TTN: variants seen among roughly 807,000 people sequenced by gnomAD.
The protein encoded by TTN is titin, also known as connectin.
In TTN, 1,525 loss-of-function variants were observed where a neutral mutation model predicts 3,223.0. That is an observed-to-expected ratio of 0.47 (90% confidence interval 0.45 to 0.49). TTN has a LOEUF of 0.49. TTN is among the 20% of genes least tolerant of loss of function. The pLI, the probability that TTN is intolerant of heterozygous loss-of-function variation, is 0.00. For missense variants in TTN, 40,786 were observed against 43,424.0 expected (o/e 0.94, Z 5.40); for synonymous variants, 14,094 against 15,161.0 (o/e 0.93, Z 5.17).
At chr2:178,751,700 A>G in intron 47 of TTN, 1 of 1,613,260 alleles carries the variant, frequency 6.2e-7, no homozygotes, top group Non-Finnish European at 8.5e-7. Flanking sequence ...GACCCTTTTA[A>G]TCTCTAAGCT....
chr2:178,682,966 T>G, intron 134 of TTN, 63 bp from the exon 135 acceptor site: 2 of 1,377,396 alleles, frequency 1.5e-6, no homozygotes, highest in South Asian at 2.6e-5. Flanking sequence ...TGACTGATAG[T>G]AACAATGTGC....
Position 178,553,654 on chromosome 2 carries a change from A to T in TTN, c.89351T>A (p.Val29784Asp), listed in dbSNP as rs1187385222. 2 of 1,613,856 alleles carry T rather than the reference A, an allele frequency of 1.2e-6. No individual in the cohort carries two copies. Among genetic ancestry groups the T allele is most frequent in the South Asian group, 2.2e-5 (2 of 91,074 alleles). Residue 29784 changes from valine (V) to aspartate (D), a missense_variant, in exon 334 of 363, where the codon GTC becomes GAC. Transcript: ENST00000589042. ...RQGEEEEWTT[V>D]STKGEVRTTE... ...AGTTCTGACCTCTCCTTTGGTAGAGACAGTAGTCCATTCCTCTTCCTCTCC... is the reference window on the plus strand; with the variant it reads ...AGTTCTGACCTCTCCTTTGGTAGAGTCAGTAGTCCATTCCTCTTCCTCTCC...
Position 178,526,886 on chromosome 2 carries a change from G to C in TTN, c.*126C>G. On this transcript the variant is annotated 3_prime_UTR_variant, in exon 363 of 363. Coordinates refer to ENST00000589042, the MANE Select transcript of TTN (RefSeq NM_001267550.2). ...ATTGAAATGAATATTTTTGAACTTT[G>C]ACTCATTTAGGTTGATACAAAACTA... 1 of 806,922 alleles carries C rather than the reference G, an allele frequency of 1.2e-6. No homozygotes were observed. The allele number at this position is 806,922 out of a possible 1,614,324, so 50.0% of individuals were successfully genotyped here.
Position 178,586,610 on chromosome 2 carries a change from G to A in TTN, c.64291C>T (p.Leu21431=). The change falls in exon 308 of 363, where the codon CTA becomes TTA. Residue 21431 remains leucine, a synonymous_variant. Coordinates refer to ENST00000589042, the MANE Select transcript of TTN (RefSeq NM_001267550.2). ...VKDLSLVVTG[L]KEGKKYKFRV... is the part of the protein sequence containing the mutation. ...AATTTGTATTTCTTTCCTTCCTTTA[G>A]GCCAGTGACAACAAGGCTCAGATCT... 1 of 1,613,108 alleles carries A rather than the reference G, an allele frequency of 6.2e-7. No homozygotes were observed. The highest frequency in any genetic ancestry group is 8.5e-7 in the Non-Finnish European group (1 of 1,179,404).
rs762160311 is a variant in TTN at position 178,541,498 on chromosome 2, C to T, written c.97579G>A (p.Gly32527Ser). 76 of 1,613,174 alleles carry T rather than the reference C, an allele frequency of 4.7e-5. No homozygotes were observed. The highest frequency in any genetic ancestry group is 6.2e-5 in the Non-Finnish European group (73 of 1,179,544). ...TLTWYPPEDD[G>S]GSQVTGYIVE... ...ATATATCCAGTCACTTGGGAGCCACCGTCATCCTCTGGTGGGTACCAAGTA... is the reference window on the plus strand; with the variant it reads ...ATATATCCAGTCACTTGGGAGCCACTGTCATCCTCTGGTGGGTACCAAGTA... The change falls in exon 350 of 363, where the codon GGT becomes AGT. Residue 32527 changes from glycine (G) to serine (S), a missense_variant. Transcript: ENST00000589042.
intron 312 of TTN, 31 bp from the exon 313 acceptor site, chr2:178,583,258 T>G (rs932563938): frequency 3.3e-6 from 5 of 1,501,000 alleles, no homozygotes; most frequent in Non-Finnish European, 4.5e-6. Flanking sequence ...GGACTTAATG[T>G]ATGCAAAGCT....
chr2:178,749,102 G>A (rs1574240268), intron 47 of TTN: 1 of 1,612,762 alleles, frequency 6.2e-7, no homozygotes, highest in Non-Finnish European at 8.5e-7. Flanking sequence ...TGAATCTTTT[G>A]TATTGTAACT....
chr2:178,651,672 C>A lies in TTN; in HGVS notation c.39457G>T (p.Val13153Leu). ...VVAKKPELPP[V>L]KVPEVPKEVV... is the part of the protein sequence containing the mutation. Reference sequence around the variant, plus strand: ...TAGTGGCAGTGAGGAATACCTTTCACTGGTGGTAGTTCAGGTTTTTTGGCA... The same window carrying A: ...TAGTGGCAGTGAGGAATACCTTTCAATGGTGGTAGTTCAGGTTTTTTGGCA... Residue 13153 changes from valine (V) to leucine (L), a missense_variant, in exon 206 of 363, where the codon GTG (valine) becomes TTG (leucine). Physicochemically the swap from Val to Leu is conservative, Grantham distance 32. Coordinates refer to ENST00000589042, the MANE Select transcript of TTN (RefSeq NM_001267550.2). 1 of 1,613,310 alleles carries A rather than the reference C, an allele frequency of 6.2e-7. No individual in the cohort carries two copies. Among genetic ancestry groups the A allele is most frequent in the Non-Finnish European group, 8.5e-7 (1 of 1,179,560 alleles).
In TTN at chr2:178,782,993, G is replaced by C; in HGVS notation, c.2913C>G (p.Ser971=). Residue 971 remains serine (S), a synonymous_variant, in exon 18 of 363, where the codon TCC becomes TCG. Coordinates refer to ENST00000589042, the MANE Select transcript of TTN (RefSeq NM_001267550.2). Reference sequence around the variant, plus strand: ...CTTCCCTGTACCATGTCACTGTCGGGGATGGGTATCCAGAGATGTGGCACT... The same window carrying C: ...CTTCCCTGTACCATGTCACTGTCGGCGATGGGTATCCAGAGATGTGGCACT... ...TLECHISGYP[S]PTVTWYREDY... is the part of the protein sequence containing the mutation. 1 of 1,614,058 alleles carries C rather than the reference G, an allele frequency of 6.2e-7. No individual in the cohort carries two copies. Among genetic ancestry groups the C allele is most frequent in the Non-Finnish European group, 8.5e-7 (1 of 1,179,974 alleles).
rs2049029716 is a variant in TTN, at chr2:178,586,556, C to T, written c.64345G>A (p.Val21449Ile). The stretch of plus-strand genomic sequence containing the variant: ...CCTTCAGCTTCTCTTGGCAAACTGA[C>T]TCCAACAGCATTTCTGGCCGCTACT... ...FRVAARNAVG[V>I]SLPREAEGVY... Residue 21449 changes from valine to isoleucine, a missense_variant, in exon 308 of 363, where the codon GTC (valine) becomes ATC (isoleucine). By Grantham distance (29) the Val-to-Ile change is conservative (BLOSUM62 3). Transcript: ENST00000589042. The T allele has an allele frequency of 1.2e-6, 2 of 1,613,116 alleles. No homozygotes were observed. The highest frequency in any genetic ancestry group is 1.7e-5 in the Admixed American group (1 of 59,962).
At chr2:178,698,135 A>T (rs1485406071) in intron 112 of TTN, among the ~76,000 whole-genome samples, 1 of 152,254 alleles carries the variant, frequency 6.6e-6, no homozygotes, top group African/African-American at 2.4e-5. Flanking sequence ...GAAATAAGCC[A>T]GGCACAGAAA....
intron 47 of TTN, 62 bp downstream of exon 47, chr2:178,753,062 C>T: frequency 1.4e-6 from 2 of 1,420,924 alleles, no homozygotes; most frequent in South Asian, 2.4e-5. Context: ...AAGAAGGCAA[C>T]TCAAGGATCC....
At position 178,786,094 on chromosome 2, in the gene TTN, T is replaced by C. The variant is rs2093157485; in HGVS notation, c.2124A>G (p.Ala708=). Residue 708 remains alanine, a synonymous_variant, in exon 14 of 363, where the codon GCA becomes GCG. Transcript: ENST00000589042. ...KAEAVATVVA[A]VDQARVREPR... ...GCTCTCTGACTCGGGCCTGGTCTAC[T>C]GCAGCAACAACTGTTGCTACAGCTT... is the stretch of plus-strand genomic sequence containing the variant. 2 of 1,614,080 alleles carry C rather than the reference T, an allele frequency of 1.2e-6. No individual in the cohort carries two copies. The highest frequency in any genetic ancestry group is 8.5e-7 in the Non-Finnish European group (1 of 1,180,006).
chr2:178,702,765 T>C (rs1241082939), intron 106 of TTN, 102 bp from the exon 107 acceptor site: 2 of 1,225,298 alleles, frequency 1.6e-6, no homozygotes, highest in African/African-American at 3.0e-5. Context: ...TTGTACCCAG[T>C]TATAAAATAG....
At position 178,781,376 on chromosome 2, in the gene TTN, C is replaced by T. The variant is rs974264196; in HGVS notation, c.3381-113G>A. On this transcript the variant is annotated intron_variant, in intron 20 of 362. Coordinates refer to ENST00000589042, the MANE Select transcript of TTN (RefSeq NM_001267550.2). ...TGGTATAAAATTCAATGACCCTAAA[C>T]ATATGACTAAGCTCCACAATAGATT... The T allele has an allele frequency of 5.8e-6, 7 of 1,201,650 alleles. No homozygotes were observed. In the African/African-American group the frequency reaches 7.6e-5, roughly 13 times the overall value. The allele number at this position is 1,201,650 out of a possible 1,614,324, so 74.4% of individuals were successfully genotyped here. A position where few individuals can be genotyped will look rare whatever the true frequency, so the allele number is the denominator to read the frequency against.
chr2:178,593,927 A>G (rs2050815241), intron 297 of TTN, 34 bp downstream of exon 297: 2 of 1,609,916 alleles, frequency 1.2e-6, no homozygotes, highest in African/African-American at 2.7e-5. Context: ...TTGAAAGAAC[A>G]GAAGATCTAT....
In TTN at chr2:178,546,630, T is replaced by C. The variant is rs1363231803; in HGVS notation, c.94798A>G (p.Thr31600Ala). Reference sequence around the variant, plus strand: ...TCATCTCGGCAAGTGACAGGGCCTGTAGATTCAGACCCTTTGCTAATTACG... The same window carrying C: ...TCATCTCGGCAAGTGACAGGGCCTGCAGATTCAGACCCTTTGCTAATTACG... ...AGVISKGSES[T>A]GPVTCRDEYA... Residue 31600 changes from threonine to alanine, a missense_variant, in exon 341 of 363, where the codon ACA (threonine) becomes GCA (alanine). Transcript: ENST00000589042. 3 of 1,612,518 alleles carry C rather than the reference T, an allele frequency of 1.9e-6. No homozygotes were observed. The highest frequency in any genetic ancestry group is 2.5e-6 in the Non-Finnish European group (3 of 1,178,718).
rs762158917 is a variant in TTN, at chr2:178,532,282, G to T, written c.104333C>A (p.Thr34778Lys). The T allele has an allele frequency of 6.2e-7, 1 of 1,613,896 alleles. No homozygotes were observed. Among genetic ancestry groups the T allele is most frequent in the Non-Finnish European group, 8.5e-7 (1 of 1,179,872 alleles). Reference protein sequence around the residue: ...REDEELLRPVTTTQHLSEYKS... With the variant: ...REDEELLRPVKTTQHLSEYKS... ...GTATTCTGAGAGATGCTGGGTGGTC[G>T]TAACTGGGCGAAGCAACTCTTCATC... Residue 34778 changes from threonine (T) to lysine (K), a missense_variant, in exon 358 of 363, where the codon ACG becomes AAG. Transcript: ENST00000589042.
At chr2:178,641,117 A>G in intron 220 of TTN, 124 bp downstream of exon 220, 3 of 654,136 alleles carry the variant, frequency 4.6e-6, no homozygotes, top group Non-Finnish European at 7.7e-6. Context: ...AACAGAGACT[A>G]CATCACAGAT....
Sources: allele counts gnomAD v4.1 joint callset (sites outside exome capture counted in the v4.1 genomes callset), GRCh38; gene constraint gnomAD v4.1.1; transcripts MANE v1.5; gene names NCBI Gene and HGNC (gene_info 2026-07-23, HGNC 2026-07-21).